The following CEP112 variants were observed in gnomAD, a reference collection of about 807,000 sequenced individuals.
CEP112 encodes the protein centrosomal protein of 112 kDa.
In CEP112, 127 loss-of-function variants were observed where a neutral mutation model predicts 153.0. The observed-to-expected ratio is 0.83, with a 90% confidence interval of 0.72 to 0.96. The LOEUF is 0.96. Among genes scored for constraint, CEP112 ranks in the 40% least tolerant of loss-of-function variants. The probability of loss-of-function intolerance (pLI) is 0.00; values close to 1 mark genes in which losing one functional copy is unlikely to be tolerated. For synonymous variants in CEP112, 358 were observed against 374.4 expected (o/e 0.96, Z 0.51); for missense variants, 1,089 against 1,101.2 (o/e 0.99, Z 0.16).
intron 19 of CEP112, among the ~76,000 whole-genome samples, chr17:65,924,839 C>T (rs567307282): frequency 6.6e-6 from 1 of 152,274 alleles, no homozygotes; most frequent in African/African-American, 2.4e-5. Context: ...TCACTTCCTC[C>T]AGTGGTCAAC....
At chr17:66,175,349 A>G in intron 3 of CEP112, 133 bp from the exon 4 acceptor site, 1 of 604,022 alleles carries the variant, frequency 1.7e-6, no homozygotes, top group Non-Finnish European at 2.7e-6. Context: ...CATTTAAAAA[A>G]TTAAATGTAC....
intron 21 of CEP112, among the ~76,000 whole-genome samples, chr17:65,782,843 G>A (rs2054074604): frequency 6.6e-6 from 1 of 151,956 alleles, no homozygotes. Flanking sequence ...GGTAGGGGTG[G>A]GAAAACTAAC....
chr17:65,958,024 C>A (rs2062058221), intron 18 of CEP112, among the ~76,000 whole-genome samples: 2 of 151,976 alleles, frequency 1.3e-5, no homozygotes, highest in Admixed American at 6.6e-5. Flanking sequence ...GTTTTATATA[C>A]CTTCCTTTTC....
chr17:65,948,710 GATT>G (rs72435366), intron 18 of CEP112, among the ~76,000 whole-genome samples: 72,512 of 151,570 alleles, frequency 0.48, 18,309 homozygotes, highest in East Asian at 0.89. Context: ...GTATAAATTA[GATT>G]ATTTAAGCAA....
intron 17 of CEP112, among the ~76,000 whole-genome samples, chr17:66,005,297 T>C (rs569734885): frequency 6.6e-6 from 1 of 152,298 alleles, no homozygotes; most frequent in South Asian, 2.1e-4. Flanking sequence ...ATAATGCCTG[T>C]ATAGTAATCC....
intron 19 of CEP112, among the ~76,000 whole-genome samples, chr17:65,920,286 C>T (rs907481409): frequency 2.0e-4 from 29 of 145,268 alleles, no homozygotes; most frequent in African/African-American, 6.7e-4. Flanking sequence ...GCAGAGGTTG[C>T]AGTGAGCCGA....
intron 24 of CEP112, among the ~76,000 whole-genome samples, chr17:65,651,065 A>C (rs1026308496): frequency 2.6e-5 from 4 of 151,926 alleles, no homozygotes; most frequent in African/African-American, 9.7e-5. Context: ...AACCCAGTGT[A>C]TAGTCTTTTA....
rs568691164 is a variant in CEP112 at position 66,187,145 on chromosome 17, C to T, written c.-8-3838G>A. ...ATCTCAGATAGAGGCCTGCCCACCA[C>T]TTAACTTGAACTACTGTGGCAGCCT... On this transcript the variant is annotated intron_variant, in intron 1 of 26. Coordinates refer to ENST00000535342, the MANE Select transcript of CEP112 (RefSeq NM_001199165.4). 3.3e-5 allele frequency among the ~76,000 whole-genome samples: 5 copies of T among 151,944 alleles called. No homozygotes were observed. In the East Asian group the frequency reaches 9.7e-4, roughly 29 times the overall value.
At chr17:66,165,335 G>A (rs982791813) in intron 4 of CEP112, among the ~76,000 whole-genome samples, 9 of 152,136 alleles carry the variant, frequency 5.9e-5, no homozygotes, top group South Asian at 2.1e-4. Flanking sequence ...CAATAGTCAC[G>A]TTTACTGGTG....
chr17:65,949,744 G>A (rs565521800), intron 18 of CEP112, among the ~76,000 whole-genome samples: 3 of 152,192 alleles, frequency 2.0e-5, no homozygotes, highest in South Asian at 2.1e-4. Flanking sequence ...CAATTAAAAG[G>A]GTAGTTCTGG....
At chr17:65,845,448 G>C (rs1464731092) in intron 21 of CEP112, among the ~76,000 whole-genome samples, 2 of 152,178 alleles carry the variant, frequency 1.3e-5, no homozygotes, top group African/African-American at 4.8e-5. Context: ...TAAAAAGCAA[G>C]AGATCAAATT....
chr17:66,019,922 C>G (rs142231212), intron 16 of CEP112, among the ~76,000 whole-genome samples: 1 of 152,256 alleles, frequency 6.6e-6, no homozygotes, highest in African/African-American at 2.4e-5. Context: ...GCTAAATACC[C>G]AAGAAAAGAT....
chr17:65,782,064 A>C (rs553379639), intron 21 of CEP112, among the ~76,000 whole-genome samples: 1 of 152,314 alleles, frequency 6.6e-6, no homozygotes, highest in East Asian at 1.9e-4. Context: ...CAGAGTAAAC[A>C]GACACACTAC....
chr17:65,987,223 A>C lies in CEP112; in HGVS notation c.1736+18467T>G, dbSNP rs537182019. ...TTAGCTAAGACAAAAAGAGAACAGA[A>C]TAATATTTAAAAGGGGATATGATTA... is the stretch of plus-strand genomic sequence containing the variant. On this transcript the variant is annotated intron_variant, in intron 17 of 26. Transcript: ENST00000535342. Among the ~76,000 whole-genome samples, 3 of 152,270 alleles carry C rather than the reference A, an allele frequency of 2.0e-5. No individual in the cohort carries two copies. The South Asian group carries it at 6.2e-4, about 32-fold the overall frequency.
At chr17:66,133,884 G>A (rs1484098712) in intron 4 of CEP112, among the ~76,000 whole-genome samples, 1 of 152,050 alleles carries the variant, frequency 6.6e-6, no homozygotes, top group Admixed American at 6.5e-5. Context: ...CCTTAGACTA[G>A]TTAATAAGTA....
chr17:65,889,435 T>C (rs1450412040), intron 20 of CEP112, among the ~76,000 whole-genome samples: 1 of 152,156 alleles, frequency 6.6e-6, no homozygotes, highest in East Asian at 1.9e-4. Flanking sequence ...CTCACAATAA[T>C]CCACGAGTTA....
rs367714677 is a variant in CEP112, at chr17:65,658,822, T to C, written c.2698-17757A>G. ...AGCAGAAGCAGGGAATGACCAGAAATGGCCCCAGAGATGAGACGAAAGTTA... is the reference window on the plus strand; with the variant it reads ...AGCAGAAGCAGGGAATGACCAGAAACGGCCCCAGAGATGAGACGAAAGTTA... On this transcript the variant is annotated intron_variant, in intron 24 of 26. Coordinates refer to ENST00000535342, the MANE Select transcript of CEP112 (RefSeq NM_001199165.4). 1.1e-3 allele frequency among the ~76,000 whole-genome samples: 160 copies of C among 151,716 alleles called. 7 individuals carry two copies. The South Asian group carries it at 0.033, about 31-fold the overall frequency.
chr17:65,970,511 A>G (rs1461143389), intron 17 of CEP112, among the ~76,000 whole-genome samples: 2 of 151,676 alleles, frequency 1.3e-5, no homozygotes, highest in Non-Finnish European at 2.9e-5. Context: ...TATTATATGC[A>G]TGCATATTAA....
chr17:65,644,460 G>A (rs1195933994), intron 24 of CEP112: 13 of 386,556 alleles, frequency 3.4e-5, no homozygotes, highest in East Asian at 1.3e-4. Flanking sequence ...TTGAGGATTC[G>A]GTCTTCTCAC....
Sources: gnomAD v4.1 joint callset for allele counts (sites outside exome capture counted in the v4.1 genomes callset) on GRCh38, gnomAD v4.1.1 for gene constraint, MANE v1.5 for transcripts, NCBI Gene and HGNC (gene_info 2026-07-23, HGNC 2026-07-21) for gene names.